Variants in SAMTOR observed in about 807,000 individuals in gnomAD.
The protein encoded by SAMTOR is UPF0532 protein C7orf60.
At chr7:112,876,605 C>T in the SAMTOR span, among the ~76,000 whole-genome samples, 50 of 152,266 alleles carry the variant, frequency 3.3e-4, no homozygotes, top group Non-Finnish European at 4.6e-4. Context: ...ACAGTCTCAT[C>T]TATTATTACT....
the SAMTOR span, chr7:112,895,852 G>A: frequency 1.5e-6 from 1 of 660,582 alleles, no homozygotes. Flanking sequence ...TAAGATTTCT[G>A]CTTTGAAAAT....
the SAMTOR span, among the ~76,000 whole-genome samples, chr7:112,923,091 AAAG>A: frequency 6.6e-6 from 1 of 152,358 alleles, no homozygotes; most frequent in African/African-American, 2.4e-5. Context: ...GTCTGTGTAG[AAAG>A]AAGTAGACAT....
the SAMTOR span, among the ~76,000 whole-genome samples, chr7:112,830,951 G>T: frequency 6.7e-6 from 1 of 150,350 alleles, no homozygotes; most frequent in African/African-American, 2.5e-5. Flanking sequence ...CCATTATACA[G>T]ATGAGAAAAC....
At chr7:112,880,600 G>A in the SAMTOR span, among the ~76,000 whole-genome samples, 9 of 151,782 alleles carry the variant, frequency 5.9e-5, no homozygotes, top group Non-Finnish European at 1.3e-4. Flanking sequence ...ACTAGATTAT[G>A]CATTTTTTAC....
the SAMTOR span, chr7:112,895,843 A>G: frequency 1.4e-6 from 1 of 699,768 alleles, no homozygotes; most frequent in Non-Finnish European, 2.1e-6. Context: ...TTTCAAATTT[A>G]AGATTTCTGC....
the SAMTOR span, among the ~76,000 whole-genome samples, chr7:112,892,169 T>C: frequency 1.3e-5 from 2 of 152,062 alleles, no homozygotes; most frequent in East Asian, 3.9e-4. Flanking sequence ...TGCTCATCCA[T>C]AAGAAACGAC....
At chr7:112,881,548 C>A in the SAMTOR span, among the ~76,000 whole-genome samples, 1 of 152,202 alleles carries the variant, frequency 6.6e-6, no homozygotes, top group East Asian at 1.9e-4. Flanking sequence ...TAAGGAGCTA[C>A]CCAATTCAGG....
the SAMTOR span, among the ~76,000 whole-genome samples, chr7:112,823,841 T>C: frequency 1.3e-5 from 2 of 152,212 alleles, no homozygotes; most frequent in African/African-American, 2.4e-5. Context: ...GTATAGCTAG[T>C]CTATTTCATT....
At chr7:112,907,854 T>C in the SAMTOR span, among the ~76,000 whole-genome samples, 5 of 151,490 alleles carry the variant, frequency 3.3e-5, no homozygotes, top group South Asian at 2.1e-4. Flanking sequence ...TATTTATTTA[T>C]TTATTTATTT....
At chr7:112,905,911 AAG>A in the SAMTOR span, among the ~76,000 whole-genome samples, 6 of 152,166 alleles carry the variant, frequency 3.9e-5, no homozygotes, top group South Asian at 1.0e-3. Context: ...TCAAATGAAT[AAG>A]AGAGGAAGAA....
chr7:112,838,798 T>C, the SAMTOR span, among the ~76,000 whole-genome samples: 1 of 151,852 alleles, frequency 6.6e-6, no homozygotes, highest in African/African-American at 2.4e-5. Flanking sequence ...GTTGTTGTGG[T>C]AGTGCTGATA....
chr7:112,861,410 G>A, the SAMTOR span, among the ~76,000 whole-genome samples: 26 of 152,130 alleles, frequency 1.7e-4, no homozygotes, highest in African/African-American at 5.1e-4. Flanking sequence ...GAGAGGCTGA[G>A]GTGGGAAGAT....
chr7:112,933,734 CAT>C, the SAMTOR span, among the ~76,000 whole-genome samples: 1 of 152,154 alleles, frequency 6.6e-6, no homozygotes, highest in Admixed American at 6.5e-5. Flanking sequence ...ATTAGAATCA[CAT>C]GAGGGACATT....
At chr7:112,886,688 A>T in the SAMTOR span, among the ~76,000 whole-genome samples, 2 of 152,196 alleles carry the variant, frequency 1.3e-5, no homozygotes, top group Admixed American at 6.5e-5. Context: ...GGGGAAAACT[A>T]ACACTGGCCT....
At chr7:112,908,306 G>T in the SAMTOR span, among the ~76,000 whole-genome samples, 1 of 152,144 alleles carries the variant, frequency 6.6e-6, no homozygotes, top group Non-Finnish European at 1.5e-5. Flanking sequence ...TAATTAAAGA[G>T]AATTCCTCCT....
chr7:112,878,046 A>G, the SAMTOR span, among the ~76,000 whole-genome samples: 3 of 152,196 alleles, frequency 2.0e-5, no homozygotes, highest in African/African-American at 7.2e-5. Flanking sequence ...CACAATGGCT[A>G]AACCGAAAAT....
At chr7:112,928,568 G>T in the SAMTOR span, among the ~76,000 whole-genome samples, 1 of 151,842 alleles carries the variant, frequency 6.6e-6, no homozygotes, top group Admixed American at 6.6e-5. Flanking sequence ...GTCAGTGGAG[G>T]ACAAAATATT....
chr7:112,843,487 C>CA, the SAMTOR span, among the ~76,000 whole-genome samples: 53 of 151,994 alleles, frequency 3.5e-4, no homozygotes, highest in African/African-American at 1.2e-3. Flanking sequence ...TTGCTGCCTA[C>CA]ATTCATAAAA....
the SAMTOR span, among the ~76,000 whole-genome samples, chr7:112,917,321 C>A: frequency 6.6e-6 from 1 of 152,216 alleles, no homozygotes; most frequent in African/African-American, 2.4e-5. Context: ...GCAGCCACCG[C>A]TGCTCCAGGC....
Sources: allele counts gnomAD v4.1 joint callset (sites outside exome capture counted in the v4.1 genomes callset), GRCh38; gene constraint gnomAD v4.1.1; transcripts MANE v1.5; gene names NCBI Gene and HGNC (gene_info 2026-07-23, HGNC 2026-07-21).